Variants in ATP9B observed in about 807,000 individuals in gnomAD.
ATP9B encodes probable phospholipid-transporting ATPase IIB.
A neutral mutation model predicts 146.1 loss-of-function variants in ATP9B; 110 were observed. The observed-to-expected ratio is 0.75, with a 90% confidence interval of 0.65 to 0.88. The LOEUF (loss-of-function observed/expected upper bound fraction) is 0.88, where lower values mean the gene tolerates loss of function less well. ATP9B is among the 40% of genes least tolerant of loss of function. ATP9B has a pLI of 0.00. For missense variants in ATP9B, 1,499 were observed against 1,496.4 expected, an observed-to-expected ratio of 1.00 and a Z score of -0.03; for synonymous variants, 604 against 569.7, an observed-to-expected ratio of 1.06 and a Z score of -0.86.
At chr18:79,344,104 T>C (rs889652803) in intron 20 of ATP9B, 161 bp from the exon 21 acceptor site, 1 of 672,628 alleles carries the variant, frequency 1.5e-6, no homozygotes, top group Non-Finnish European at 2.6e-6. Flanking sequence ...GCTGGAGGAA[T>C]TGGAAAGGAC....
chr18:79,073,896 G>A lies in ATP9B; in HGVS notation c.119+4367G>A, dbSNP rs73502336. On this transcript the variant is annotated intron_variant, in intron 1 of 29. Coordinates refer to ENST00000426216, the MANE Select transcript of ATP9B (RefSeq NM_198531.5). ...CCAGTATCTGAGTTAGCTCAGTGTC[G>A]GTGTCATGTGATTGCCTTTTCTAAT... is the stretch of plus-strand genomic sequence containing the variant. Among the ~76,000 whole-genome samples, 24 of 152,206 alleles carry A rather than the reference G, an allele frequency of 1.6e-4. No homozygotes were observed. In the East Asian group the frequency reaches 2.9e-3, roughly 18 times the overall value.
intron 19 of ATP9B, chr18:79,340,532 TA>T (rs1200639017): frequency 6.6e-6 from 1 of 152,226 alleles, no homozygotes; most frequent in Non-Finnish European, 1.5e-5. Flanking sequence ...CTTAAGCAGA[TA>T]ATCAGTACAC....
At chr18:79,071,057 T>TTTTTTTTC (rs2071697654) in intron 1 of ATP9B, among the ~76,000 whole-genome samples, 1 of 151,154 alleles carries the variant, frequency 6.6e-6, no homozygotes, top group Non-Finnish European at 1.5e-5. Flanking sequence ...TTCTTTTTTT[T>TTTTTTTTC]TTTTTTTTTG....
intron 10 of ATP9B, among the ~76,000 whole-genome samples, chr18:79,207,983 C>T (rs1317777569): frequency 6.6e-6 from 1 of 152,168 alleles, no homozygotes; most frequent in Non-Finnish European, 1.5e-5. Flanking sequence ...CGGGGGCTCA[C>T]GCCTGGAATC....
intron 1 of ATP9B, among the ~76,000 whole-genome samples, chr18:79,086,673 ACT>A (rs969277037): frequency 1.3e-5 from 2 of 152,012 alleles, no homozygotes; most frequent in African/African-American, 4.8e-5. Flanking sequence ...TGTACCATTA[ACT>A]CTAATTCAGA....
intron 11 of ATP9B, among the ~76,000 whole-genome samples, chr18:79,232,894 C>T (rs1332519632): frequency 6.6e-6 from 1 of 152,014 alleles, no homozygotes; most frequent in East Asian, 1.9e-4. Context: ...ATCAGTGAGC[C>T]CAAAGACAGG....
At chr18:79,235,529 G>GT (rs1483323716) in intron 11 of ATP9B, among the ~76,000 whole-genome samples, 1 of 151,954 alleles carries the variant, frequency 6.6e-6, no homozygotes, top group Admixed American at 6.6e-5. Flanking sequence ...ACACTTTTTG[G>GT]TTTTTGTTTT....
chr18:79,325,571 A>C (rs528789448), intron 15 of ATP9B, among the ~76,000 whole-genome samples: 2 of 152,304 alleles, frequency 1.3e-5, no homozygotes, highest in East Asian at 3.9e-4. Flanking sequence ...AGAGCCTAAA[A>C]AATGTTTGGG....
At chr18:79,279,466 C>T (rs556213789) in intron 13 of ATP9B, among the ~76,000 whole-genome samples, 9 of 152,222 alleles carry the variant, frequency 5.9e-5, no homozygotes, top group South Asian at 4.1e-4. Context: ...TATGAACAAC[C>T]GTACTGTTCC....
intron 8 of ATP9B, among the ~76,000 whole-genome samples, chr18:79,192,214 T>TGTCTGGGA (rs2095373248): frequency 6.6e-6 from 1 of 152,196 alleles, no homozygotes; most frequent in African/African-American, 2.4e-5. Flanking sequence ...TGCTTCTTCA[T>TGTCTGGGA]GTCTGGGAGT....
At chr18:79,254,231 G>A (rs2096057683) in intron 12 of ATP9B, 2 of 152,238 alleles carry the variant, frequency 1.3e-5, no homozygotes, top group African/African-American at 4.8e-5. Flanking sequence ...AACAGAGAAT[G>A]GACTAAAACG....
In ATP9B at chr18:79,356,553, G is replaced by C. The variant is rs930541187; in HGVS notation, c.2904-2801G>C. 1.8e-4 allele frequency among the ~76,000 whole-genome samples: 27 copies of C among 152,234 alleles called. 1 individual carries two copies. The highest frequency in any genetic ancestry group is 6.0e-4 in the African/African-American group (25 of 41,468). ...ACAAAATAGTAGTCAGCAATAGAAA[G>C]AAATAAGCTACTGACACAGCAGCAA... On this transcript the variant is annotated intron_variant, in intron 25 of 29. Coordinates refer to ENST00000426216, the MANE Select transcript of ATP9B (RefSeq NM_198531.5).
At chr18:79,336,315 T>A (rs1239803887) in intron 17 of ATP9B, among the ~76,000 whole-genome samples, 1 of 152,244 alleles carries the variant, frequency 6.6e-6, no homozygotes, top group African/African-American at 2.4e-5. Context: ...GAAAAGCCCG[T>A]GCTGTGGTAA....
intron 1 of ATP9B, among the ~76,000 whole-genome samples, chr18:79,070,965 G>A (rs573999227): frequency 1.3e-5 from 2 of 150,432 alleles, no homozygotes; most frequent in African/African-American, 2.4e-5. Context: ...TTACATTTAC[G>A]ATAATTACTG....
chr18:79,328,905 A>G (rs1174993650), intron 15 of ATP9B, among the ~76,000 whole-genome samples: 2 of 152,176 alleles, frequency 1.3e-5, no homozygotes, highest in Non-Finnish European at 2.9e-5. Context: ...ATGATCCATA[A>G]TGGTCTTTAT....
chr18:79,238,063 TAAA>T (rs76323455), intron 11 of ATP9B, among the ~76,000 whole-genome samples: 1 of 151,854 alleles, frequency 6.6e-6, no homozygotes, highest in African/African-American at 2.4e-5. Context: ...TATTTAAAAA[TAAA>T]AAAAAAATTT....
intron 13 of ATP9B, among the ~76,000 whole-genome samples, chr18:79,292,098 C>A (rs1443797024): frequency 1.3e-5 from 2 of 152,192 alleles, no homozygotes; most frequent in Non-Finnish European, 2.9e-5. Flanking sequence ...AATAATATTC[C>A]ATCGTGTGGA....
chr18:79,235,769 ACCG>A (rs2095836226), intron 11 of ATP9B, among the ~76,000 whole-genome samples: 1 of 151,166 alleles, frequency 6.6e-6, no homozygotes, highest in South Asian at 2.1e-4. Context: ...CAAGGTGACC[ACCG>A]TCTTCTTATC....
At chr18:79,323,443 A>G (rs2096727029) in intron 15 of ATP9B, among the ~76,000 whole-genome samples, 3 of 152,020 alleles carry the variant, frequency 2.0e-5, no homozygotes, top group Admixed American at 6.6e-5. Flanking sequence ...CCTATCCCCA[A>G]TATCCTCAAT....
Sources: allele counts gnomAD v4.1 joint callset (sites outside exome capture counted in the v4.1 genomes callset), GRCh38; gene constraint gnomAD v4.1.1; transcripts MANE v1.5; gene names NCBI Gene and HGNC (gene_info 2026-07-23, HGNC 2026-07-21).